Variants in ADGRV1 observed in about 807,000 individuals in gnomAD.
ADGRV1 encodes the protein adhesion G protein-coupled receptor V1.
In ADGRV1, 359 loss-of-function variants were observed where a neutral mutation model predicts 596.2. That is an observed-to-expected ratio of 0.60 (90% CI 0.55 to 0.66). The LOEUF (loss-of-function observed/expected upper bound fraction) is 0.66. ADGRV1 is among the 30% of genes least tolerant of loss of function. ADGRV1 has a pLI of 0.00. For synonymous variants in ADGRV1, 2,681 were observed against 2,679.2 expected (o/e 1.00, Z -0.02); for missense variants, 7,274 against 7,575.6 (o/e 0.96, Z 1.48).
rs1457228920 is a variant in ADGRV1 at position 90,679,557 on chromosome 5, C to A, written c.5452C>A (p.Leu1818Ile). The A allele has an allele frequency of 6.2e-7, 1 of 1,612,192 alleles. No individual in the cohort carries two copies. Among genetic ancestry groups the A allele is most frequent in the Non-Finnish European group, 8.5e-7 (1 of 1,178,714 alleles). ...TGTGTCTCCTTGTGAAGTAGCTGAA[C>A]TCTTTAGGGTTGATGGAAGTGGTAG... Reference protein sequence around the residue: ...LLNLEGGVAELFRVDGSGSGD... With the variant: ...LLNLEGGVAEIFRVDGSGSGD... The change falls in exon 26 of 90, where the codon CTC becomes ATC. Residue 1818 changes from leucine to isoleucine, a missense_variant. Transcript: ENST00000405460.
intron 1 of ADGRV1, among the ~76,000 whole-genome samples, chr5:90,601,587 A>G (rs919556335): frequency 2.0e-5 from 3 of 152,252 alleles, no homozygotes; most frequent in African/African-American, 4.8e-5. Context: ...AAAATAACCA[A>G]ATAAAGTCAG....
At chr5:90,740,650 A>G (rs1293629101) in intron 50 of ADGRV1, among the ~76,000 whole-genome samples, 1 of 152,108 alleles carries the variant, frequency 6.6e-6, no homozygotes, top group Non-Finnish European at 1.5e-5. Flanking sequence ...TGTCACTGTG[A>G]GCCCTACCCC....
At chr5:91,017,499 C>T (rs562007028) in intron 85 of ADGRV1, among the ~76,000 whole-genome samples, 10 of 151,850 alleles carry the variant, frequency 6.6e-5, no homozygotes, top group Non-Finnish European at 1.2e-4. Flanking sequence ...TTTATCCTCC[C>T]GTGGCATGAA....
chr5:90,893,644 T>A (rs1162526529), intron 83 of ADGRV1, among the ~76,000 whole-genome samples: 1 of 152,240 alleles, frequency 6.6e-6, no homozygotes, highest in East Asian at 1.9e-4. Flanking sequence ...TTTTATCGAA[T>A]AATAACTTTT....
chr5:90,981,858 C>A (rs11742679), intron 84 of ADGRV1, among the ~76,000 whole-genome samples: 76,188 of 152,040 alleles, frequency 0.5, 20,691 homozygotes, highest in African/African-American at 0.71. Context: ...TTTGACATGC[C>A]TAGTGGTAGA....
At chr5:90,594,593 A>G (rs1208988997) in intron 1 of ADGRV1, among the ~76,000 whole-genome samples, 3 of 145,450 alleles carry the variant, frequency 2.1e-5, no homozygotes, top group Non-Finnish European at 1.5e-5. Context: ...AAACAAGTGA[A>G]CAAAGGTCTC....
intron 54 of ADGRV1, among the ~76,000 whole-genome samples, chr5:90,754,691 T>C (rs1407249376): frequency 6.6e-6 from 1 of 152,136 alleles, no homozygotes; most frequent in Non-Finnish European, 1.5e-5. Context: ...TTTGCAGCAA[T>C]TTCTGTTAAA....
In ADGRV1 at chr5:90,965,447, C is replaced by G. The variant is rs1365193726; in HGVS notation, c.17889C>G (p.Pro5963=). Reference sequence around the variant, plus strand: ...TTCTGGCGTCTGCATACGCAAGTCCCCAACTCGCTGAGGAGAGCTGTTCAG... The same window carrying G: ...TTCTGGCGTCTGCATACGCAAGTCCGCAACTCGCTGAGGAGAGCTGTTCAG... ...ILFLASAYAS[P]QLAEESCSAM... Residue 5963 remains proline (P), a synonymous_variant, in exon 84 of 90, where the codon CCC becomes CCG. Coordinates refer to ENST00000405460, the MANE Select transcript of ADGRV1 (RefSeq NM_032119.4). 2 of 1,613,608 alleles carry G rather than the reference C, an allele frequency of 1.2e-6. No individual in the cohort carries two copies. Among genetic ancestry groups the G allele is most frequent in the East Asian group, 2.2e-5 (1 of 44,862 alleles).
chr5:90,646,934 C>A (rs1261209559), intron 16 of ADGRV1, among the ~76,000 whole-genome samples: 1 of 151,896 alleles, frequency 6.6e-6, no homozygotes, highest in Non-Finnish European at 1.5e-5. Flanking sequence ...CCACCACGCC[C>A]AGCTAATTTT....
intron 33 of ADGRV1, among the ~76,000 whole-genome samples, chr5:90,696,592 G>C (rs1035907958): frequency 6.6e-6 from 1 of 152,062 alleles, no homozygotes; most frequent in African/African-American, 2.4e-5. Flanking sequence ...TTTCTAAACA[G>C]GATATCTTTG....
intron 87 of ADGRV1, among the ~76,000 whole-genome samples, chr5:91,121,961 A>G (rs1248035712): frequency 6.6e-6 from 1 of 152,062 alleles, no homozygotes; most frequent in Non-Finnish European, 1.5e-5. Context: ...AGTATGGTTT[A>G]AAGAGAAGAA....
At chr5:90,808,951 G>GTT (rs11462822) in intron 73 of ADGRV1, among the ~76,000 whole-genome samples, 1,720 of 144,274 alleles carry the variant, frequency 0.012, 14 homozygotes, top group Middle Eastern at 0.024. Context: ...AGGCATAAAT[G>GTT]TTTTTTTTTT....
intron 87 of ADGRV1, among the ~76,000 whole-genome samples, chr5:91,106,297 C>G (rs181587199): frequency 6.6e-6 from 1 of 152,030 alleles, no homozygotes; most frequent in Non-Finnish European, 1.5e-5. Flanking sequence ...TAATTTTGTG[C>G]TTCTCTATTC....
rs2149993981 is a variant in ADGRV1, at chr5:90,759,322, C to T, written c.11941-87C>T. 4 of 998,892 alleles carry T rather than the reference C, an allele frequency of 4.0e-6. No individual in the cohort carries two copies. The East Asian group carries it at 1.1e-4, about 27-fold the overall frequency. 61.9% of individuals were successfully genotyped at this position (998,892 alleles called of 1,614,324 possible). A position where few individuals can be genotyped will look rare whatever the true frequency, so the allele number is the denominator to read the frequency against. ...AAATTAAAATATATGTCAGCAAAAA[C>T]TGTGATTACATTATTTCTTTCCTCA... On this transcript the variant is annotated intron_variant, in intron 57 of 89. Transcript: ENST00000405460.
chr5:91,018,708 G>T (rs1023830113), intron 85 of ADGRV1, among the ~76,000 whole-genome samples: 3 of 151,974 alleles, frequency 2.0e-5, no homozygotes, highest in African/African-American at 7.2e-5. Flanking sequence ...CTAAAGCAGA[G>T]TTATACTGAT....
At chr5:91,038,124 C>G (rs1291567067) in intron 85 of ADGRV1, among the ~76,000 whole-genome samples, 1 of 152,078 alleles carries the variant, frequency 6.6e-6, no homozygotes, top group Non-Finnish European at 1.5e-5. Context: ...AGATACTTCA[C>G]CTGTGGTAGG....
intron 17 of ADGRV1, among the ~76,000 whole-genome samples, chr5:90,649,193 A>C: frequency 6.6e-6 from 1 of 152,072 alleles, no homozygotes; most frequent in Non-Finnish European, 1.5e-5. Flanking sequence ...TAGTAGAGAC[A>C]GGTTTTCACC....
intron 1 of ADGRV1, among the ~76,000 whole-genome samples, chr5:90,596,181 C>A: frequency 6.8e-6 from 1 of 147,872 alleles, no homozygotes; most frequent in South Asian, 2.2e-4. Flanking sequence ...CTCCCCACAT[C>A]CCAGACGATG....
intron 87 of ADGRV1, among the ~76,000 whole-genome samples, chr5:91,130,173 A>C (rs1794092345): frequency 6.6e-6 from 1 of 151,908 alleles, no homozygotes; most frequent in African/African-American, 2.4e-5. Context: ...CATTCAGCTA[A>C]AGTCATCTGA....
Sources: gnomAD v4.1 joint callset for allele counts (sites outside exome capture counted in the v4.1 genomes callset) on GRCh38, gnomAD v4.1.1 for gene constraint, MANE v1.5 for transcripts, NCBI Gene and HGNC (gene_info 2026-07-23, HGNC 2026-07-21) for gene names.